Variants in CLVS1 observed in about 807,000 individuals in gnomAD.
CLVS1 encodes clavesin-1.
In CLVS1, 10 loss-of-function variants were observed where a neutral mutation model predicts 33.1. The ratio of observed to expected loss-of-function variants is 0.30; its 90% CI spans 0.19 to 0.51. The LOEUF is 0.51. CLVS1 is among the 20% of genes least tolerant of loss of function. The probability of loss-of-function intolerance (pLI) is 0.97; values close to 1 mark genes in which losing one functional copy is unlikely to be tolerated. For synonymous variants in CLVS1, 163 were observed against 166.1 expected (o/e 0.98, Z 0.14); for missense variants, 343 against 433.4 (o/e 0.79, Z 1.85).
intron 2 of CLVS1, among the ~76,000 whole-genome samples, chr8:61,312,968 CT>C (rs1395248109): frequency 6.6e-6 from 1 of 152,146 alleles, no homozygotes; most frequent in Non-Finnish European, 1.5e-5. Flanking sequence ...CACATAAAAC[CT>C]TAATCATTCA....
At chr8:61,350,718 T>C (rs1018635468) in intron 2 of CLVS1, among the ~76,000 whole-genome samples, 6 of 152,144 alleles carry the variant, frequency 3.9e-5, no homozygotes, top group African/African-American at 2.4e-5. Context: ...GCAATTATCA[T>C]GTAGAGTAGA....
chr8:61,407,139 A>C (rs906204864), intron 3 of CLVS1, among the ~76,000 whole-genome samples: 15 of 152,228 alleles, frequency 9.9e-5, no homozygotes, highest in Non-Finnish European at 1.8e-4. Flanking sequence ...AATTCCTCAT[A>C]GGCTGAGTGC....
chr8:61,036,197 C>T, the CLVS1 span, among the ~76,000 whole-genome samples: 1 of 152,174 alleles, frequency 6.6e-6, no homozygotes, highest in Non-Finnish European at 1.5e-5. Context: ...GATTTCGTTC[C>T]CCTACCTACC....
intron 2 of CLVS1, among the ~76,000 whole-genome samples, chr8:61,228,285 C>A (rs2978543): frequency 0.55 from 83,832 of 151,928 alleles, 24,494 homozygotes; most frequent in East Asian, 0.97. Context: ...TAACACATGC[C>A]TCACCTAAAG....
intron 3 of CLVS1, among the ~76,000 whole-genome samples, chr8:61,426,239 A>T (rs1343008075): frequency 6.6e-6 from 1 of 152,110 alleles, no homozygotes; most frequent in Non-Finnish European, 1.5e-5. Flanking sequence ...TAATATACTC[A>T]AGTCATTATT....
intron 5 of CLVS1, among the ~76,000 whole-genome samples, chr8:61,460,732 A>G (rs571087347): frequency 3.9e-5 from 6 of 152,328 alleles, no homozygotes; most frequent in African/African-American, 1.4e-4. Flanking sequence ...AAAGTCAGCA[A>G]GCAAAATGCT....
chr8:61,439,516 C>T (rs577175364), intron 3 of CLVS1, among the ~76,000 whole-genome samples: 1 of 152,136 alleles, frequency 6.6e-6, no homozygotes, highest in Non-Finnish European at 1.5e-5. Flanking sequence ...GGTTTACCTC[C>T]TCACTCATCT....
At chr8:61,041,925 T>G in the CLVS1 span, among the ~76,000 whole-genome samples, 69,645 of 151,876 alleles carry the variant, frequency 0.46, 16,716 homozygotes, top group African/African-American at 0.61. Context: ...CTGTCATCCA[T>G]ACTGGGCTGC....
At chr8:61,304,291 C>T (rs1020789820) in intron 2 of CLVS1, among the ~76,000 whole-genome samples, 9 of 152,234 alleles carry the variant, frequency 5.9e-5, no homozygotes, top group South Asian at 2.1e-4. Flanking sequence ...AACACTATCC[C>T]GTGAGGGCTC....
At chr8:61,055,828 A>G (rs1329753642), upstream of CLVS1, among the ~76,000 whole-genome samples, 1 of 152,248 alleles carries the variant, frequency 6.6e-6, no homozygotes, top group East Asian at 1.9e-4. Context: ...AAAAGCATGT[A>G]TCTTGCCCGT....
rs140231402 is a variant in CLVS1, at chr8:61,434,872, G to C, written c.631-19269G>C. Among the ~76,000 whole-genome samples the C allele has an allele frequency of 3.4e-3, 522 of 152,302 alleles. 5 individuals are homozygous for C. The highest frequency in any genetic ancestry group is 0.012 in the African/African-American group (497 of 41,570). ...AGAGAAAGGAAGGAAAACAAAGAGG[G>C]AAGGGGATTCTCTATAGAATGTGGA... On this transcript the variant is annotated intron_variant, in intron 3 of 5. Transcript: ENST00000325897.
chr8:61,087,728 CA>C (rs1264335998), intron 1 of CLVS1, among the ~76,000 whole-genome samples: 1 of 152,090 alleles, frequency 6.6e-6, no homozygotes, highest in Non-Finnish European at 1.5e-5. Context: ...CATTTTAATC[CA>C]GGGGTGGGAA....
intron 1 of CLVS1, among the ~76,000 whole-genome samples, chr8:61,128,518 T>C (rs922762884): frequency 3.3e-5 from 5 of 152,212 alleles, no homozygotes; most frequent in Non-Finnish European, 7.3e-5. Flanking sequence ...GCTCCTGCAA[T>C]GAGAAGCCCT....
intron 2 of CLVS1, among the ~76,000 whole-genome samples, chr8:61,147,459 A>C (rs559428891): frequency 6.6e-6 from 1 of 152,172 alleles, no homozygotes; most frequent in Non-Finnish European, 1.5e-5. Context: ...CCACAAAGAC[A>C]TTTCTGGGCA....
chr8:60,972,590 C>T, the CLVS1 span, among the ~76,000 whole-genome samples: 1 of 152,042 alleles, frequency 6.6e-6, no homozygotes. Context: ...TTATTGTAGA[C>T]CTAAGGTTGG....
At chr8:61,306,294 T>C (rs1563487815) in intron 2 of CLVS1, among the ~76,000 whole-genome samples, 1 of 152,240 alleles carries the variant, frequency 6.6e-6, no homozygotes, top group East Asian at 1.9e-4. Flanking sequence ...TCAGTGATGT[T>C]GAGCCTTTTT....
At chr8:61,378,280 GTCCTTTATCCAACCCTATGA>G (rs1224066738) in intron 3 of CLVS1, 166 of 152,146 alleles carry the variant, frequency 1.1e-3, no homozygotes, top group African/African-American at 3.8e-3. Flanking sequence ...TAAGAAAAAT[GTCCTTTATCCAACCCTATGA>G]TCCAATTTTT....
the CLVS1 span, among the ~76,000 whole-genome samples, chr8:61,040,934 GT>G: frequency 1.4e-4 from 21 of 149,792 alleles, no homozygotes; most frequent in African/African-American, 3.4e-4. Flanking sequence ...GTATTTCCTA[GT>G]TTTTTTTTTC....
chr8:61,321,769 C>G (rs2129596329), intron 2 of CLVS1, among the ~76,000 whole-genome samples: 1 of 152,142 alleles, frequency 6.6e-6, no homozygotes, highest in African/African-American at 2.4e-5. Flanking sequence ...ATTTTATTTT[C>G]AAATATTTTC....
Sources: allele counts gnomAD v4.1 joint callset (sites outside exome capture counted in the v4.1 genomes callset), GRCh38; gene constraint gnomAD v4.1.1; transcripts MANE v1.5; gene names NCBI Gene and HGNC (gene_info 2026-07-23, HGNC 2026-07-21).